PTPRM: variants seen among roughly 807,000 people sequenced by gnomAD.
PTPRM encodes the protein protein tyrosine phosphatase receptor type M, also known as receptor-type tyrosine-protein phosphatase mu.
Under a neutral mutation model 186.7 loss-of-function variants are expected in PTPRM, and 47 were observed. The observed-to-expected ratio is 0.25, with a 90% CI of 0.20 to 0.32. The LOEUF is 0.32. Ranked by LOEUF, PTPRM falls within the 10% of genes least tolerant of loss-of-function variation. The pLI, the probability that PTPRM is intolerant of heterozygous loss-of-function variation, is 1.00. For synonymous variants in PTPRM, 668 were observed against 674.9 expected (o/e 0.99, Z 0.16); for missense variants, 1,494 against 1,865.0 (o/e 0.80, Z 3.66).
intron 1 of PTPRM, among the ~76,000 whole-genome samples, chr18:7,732,482 A>T (rs2040680903): frequency 6.6e-6 from 1 of 152,160 alleles, no homozygotes; most frequent in Admixed American, 6.5e-5. Flanking sequence ...AATAAATTAT[A>T]ATATTTGATT....
chr18:8,021,214 AC>A, intron 7 of PTPRM, among the ~76,000 whole-genome samples: 1 of 152,192 alleles, frequency 6.6e-6, no homozygotes, highest in African/African-American at 2.4e-5. Flanking sequence ...TGTTGATATG[AC>A]ATGGCGGCTT....
intron 32 of PTPRM, among the ~76,000 whole-genome samples, chr18:8,402,155 C>G (rs2095875632): frequency 6.6e-6 from 1 of 152,184 alleles, no homozygotes. Flanking sequence ...ACCTGGTAAT[C>G]AAATGTAATC....
intron 1 of PTPRM, among the ~76,000 whole-genome samples, chr18:7,731,134 CT>C (rs1190407901): frequency 6.6e-6 from 1 of 152,192 alleles, no homozygotes; most frequent in Non-Finnish European, 1.5e-5. Flanking sequence ...GGTTTGCACA[CT>C]GAAAGAGAAC....
chr18:8,083,016 G>C (rs1268365194), intron 9 of PTPRM, among the ~76,000 whole-genome samples: 1 of 151,728 alleles, frequency 6.6e-6, no homozygotes, highest in Non-Finnish European at 1.5e-5. Flanking sequence ...ATCTCTAAAA[G>C]ATGCCAATTC....
At chr18:8,078,509 G>A (rs2089952511) in intron 9 of PTPRM, among the ~76,000 whole-genome samples, 3 of 152,290 alleles carry the variant, frequency 2.0e-5, no homozygotes, top group Admixed American at 1.3e-4. Flanking sequence ...AATTGCCATG[G>A]TTGGAAAAAA....
chr18:7,841,742 A>T (rs1157933280), intron 2 of PTPRM, among the ~76,000 whole-genome samples: 1 of 152,202 alleles, frequency 6.6e-6, no homozygotes, highest in East Asian at 1.9e-4. Context: ...GCCTTACACT[A>T]CTGAAGCTAT....
At chr18:8,221,265 G>A (rs1225956208) in intron 14 of PTPRM, among the ~76,000 whole-genome samples, 2 of 152,092 alleles carry the variant, frequency 1.3e-5, no homozygotes, top group East Asian at 1.9e-4. Context: ...TATTGTTGTC[G>A]CTGTGGGGGT....
intron 13 of PTPRM, among the ~76,000 whole-genome samples, chr18:8,135,046 A>C (rs2092605540): frequency 6.6e-6 from 1 of 152,196 alleles, no homozygotes; most frequent in African/African-American, 2.4e-5. Flanking sequence ...AAATTATATA[A>C]GTTACCCAGC....
At chr18:7,663,807 T>A (rs2039031478) in intron 1 of PTPRM, among the ~76,000 whole-genome samples, 1 of 152,196 alleles carries the variant, frequency 6.6e-6, no homozygotes, top group Non-Finnish European at 1.5e-5. Context: ...GGGCTGAGGA[T>A]AATTGCTGGG....
intron 1 of PTPRM, among the ~76,000 whole-genome samples, chr18:7,590,899 T>C (rs2037108461): frequency 6.6e-6 from 1 of 152,264 alleles, no homozygotes; most frequent in Non-Finnish European, 1.5e-5. Flanking sequence ...AACATGTTTA[T>C]GTATCCATCT....
rs770279168 is a variant in PTPRM at position 8,113,647 on chromosome 18, C to T, written c.2018C>T (p.Ala673Val). The T allele has an allele frequency of 7.4e-6, 12 of 1,613,852 alleles. No homozygotes were observed. Among genetic ancestry groups the T allele is most frequent in the African/African-American group, 6.7e-5 (5 of 74,900 alleles). Reference protein sequence around the residue: ...AEFPADSLQAAQPFTIGDNKT... With the variant: ...AEFPADSLQAVQPFTIGDNKT... Reference sequence around the variant, plus strand: ...TTTCCTGCAGACAGCCTCCAAGCTGCGCAGCCTTTTACAATTGGTGATAAT... The same window carrying T: ...TTTCCTGCAGACAGCCTCCAAGCTGTGCAGCCTTTTACAATTGGTGATAAT... The change falls in exon 12 of 33, where the codon GCG becomes GTG. Residue 673 changes from alanine (A) to valine (V), a missense_variant. This residue lies in a region of PTPRM where 1,107 missense variants were observed against 1,350.2 expected (regional missense o/e 0.82). Coordinates refer to ENST00000580170, the MANE Select transcript of PTPRM (RefSeq NM_001105244.2).
chr18:7,590,130 T>C (rs1459761260), intron 1 of PTPRM, among the ~76,000 whole-genome samples: 2 of 152,200 alleles, frequency 1.3e-5, no homozygotes, highest in African/African-American at 4.8e-5. Flanking sequence ...TACAGAGTGG[T>C]GGCAAAGCTT....
At chr18:7,856,881 G>A (rs2047123201) in intron 2 of PTPRM, among the ~76,000 whole-genome samples, 1 of 152,150 alleles carries the variant, frequency 6.6e-6, no homozygotes, top group Admixed American at 6.5e-5. Context: ...TGCAGAGGCG[G>A]TACTCACCTC....
rs73393547 is a variant in PTPRM, at chr18:7,763,570, C to T, written c.74-10579C>T. On this transcript the variant is annotated intron_variant, in intron 1 of 32. Coordinates refer to ENST00000580170, the MANE Select transcript of PTPRM (RefSeq NM_001105244.2). The stretch of plus-strand genomic sequence containing the variant: ...TCCCAATTAAATACACTCATCTGTA[C>T]GAGTTCCCCATGGTTGTATTAGAAG... Among the ~76,000 whole-genome samples, 612 of 152,212 alleles carry T rather than the reference C, an allele frequency of 4.0e-3. 2 individuals carry two copies. Among genetic ancestry groups the T allele is most frequent in the African/African-American group, 0.014 (576 of 41,530 alleles).
At chr18:7,937,233 A>T (rs919831044) in intron 5 of PTPRM, among the ~76,000 whole-genome samples, 1 of 152,182 alleles carries the variant, frequency 6.6e-6, no homozygotes, top group African/African-American at 2.4e-5. Context: ...AAAGAAGGAG[A>T]GAAGACCTAC....
intron 17 of PTPRM, among the ~76,000 whole-genome samples, chr18:8,249,157 C>G (rs1281717834): frequency 6.6e-6 from 1 of 152,182 alleles, no homozygotes; most frequent in Non-Finnish European, 1.5e-5. Flanking sequence ...CTTCTCCTTC[C>G]TAATTCACTT....
At chr18:7,966,624 C>T (rs942111237) in intron 7 of PTPRM, among the ~76,000 whole-genome samples, 16 of 148,136 alleles carry the variant, frequency 1.1e-4, no homozygotes, top group African/African-American at 2.2e-4. Flanking sequence ...CGAAGCAGGG[C>T]GAGGCATTGC....
intron 1 of PTPRM, among the ~76,000 whole-genome samples, chr18:7,746,005 A>C (rs558519248): frequency 6.6e-6 from 1 of 152,352 alleles, no homozygotes; most frequent in South Asian, 2.1e-4. Flanking sequence ...ACAAATGGAC[A>C]TGGTGAATAT....
chr18:7,622,927 C>T (rs1403279815), intron 1 of PTPRM, among the ~76,000 whole-genome samples: 1 of 152,144 alleles, frequency 6.6e-6, no homozygotes, highest in African/African-American at 2.4e-5. Context: ...AAGTTCTCAT[C>T]TGAACCTCTA....
Sources: allele counts gnomAD v4.1 joint callset (sites outside exome capture counted in the v4.1 genomes callset), GRCh38; gene constraint gnomAD v4.1.1; regional missense constraint gnomAD v4.1.1; transcripts MANE v1.5; gene names NCBI Gene and HGNC (gene_info 2026-07-23, HGNC 2026-07-21).